Variants in SSU72 observed in about 807,000 individuals in gnomAD.
SSU72 encodes the protein SSU72 homolog, RNA polymerase II CTD phosphatase.
In SSU72, 12 loss-of-function variants were observed where a neutral mutation model predicts 22.7. That is an observed-to-expected ratio of 0.53 (90% CI 0.34 to 0.86). The LOEUF (loss-of-function observed/expected upper bound fraction) is 0.86, where lower values mean the gene tolerates loss of function less well. SSU72 is among the 40% of genes least tolerant of loss of function. The pLI is 0.02. For synonymous variants in SSU72, 116 were observed against 98.3 expected (o/e 1.18, Z -1.06); for missense variants, 151 against 249.8 (o/e 0.60, Z 2.67).
chr1:1,572,662 T>C (rs1424756737), intron 1 of SSU72, among the ~76,000 whole-genome samples: 2 of 151,072 alleles, frequency 1.3e-5, no homozygotes, highest in African/African-American at 4.8e-5. Flanking sequence ...TTTCATCGTG[T>C]TAGCCAGGAT....
At chr1:1,571,017 C>A (rs990900757) in intron 1 of SSU72, among the ~76,000 whole-genome samples, 3 of 151,992 alleles carry the variant, frequency 2.0e-5, no homozygotes, top group Non-Finnish European at 4.4e-5. Flanking sequence ...GAGGCCGAGG[C>A]GGGCGGATCA....
chr1:1,564,361 A>AGCAGCC, intron 2 of SSU72: 1 of 1,065,154 alleles, frequency 9.4e-7, no homozygotes. Context: ...AGATGTGTGA[A>AGCAGCC]GCAGCCCGGC....
chr1:1,573,062 G>T (rs991275978), intron 1 of SSU72, among the ~76,000 whole-genome samples: 5 of 151,554 alleles, frequency 3.3e-5, no homozygotes, highest in Admixed American at 6.6e-5. Flanking sequence ...GCCGAGGCGG[G>T]CAGATCACCT....
intron 2 of SSU72, among the ~76,000 whole-genome samples, chr1:1,557,152 C>T (rs1244504799): frequency 6.6e-6 from 1 of 152,226 alleles, no homozygotes; most frequent in Non-Finnish European, 1.5e-5. Flanking sequence ...GTGGCTCACA[C>T]CTGTAATCCC....
chr1:1,574,387 A>AG, intron 1 of SSU72, 91 bp downstream of exon 1: 1 of 1,391,888 alleles, frequency 7.2e-7, no homozygotes, highest in Non-Finnish European at 9.8e-7. Context: ...GCTTCCTCTC[A>AG]GGGGTCCTGG....
chr1:1,566,779 G>A (rs1479768806), intron 1 of SSU72, among the ~76,000 whole-genome samples: 3 of 151,818 alleles, frequency 2.0e-5, no homozygotes, highest in African/African-American at 7.3e-5. Context: ...ACTTGAATCC[G>A]GGAGGCAGAG....
chr1:1,566,221 C>T (rs1164783633), intron 1 of SSU72, among the ~76,000 whole-genome samples: 1 of 152,146 alleles, frequency 6.6e-6, no homozygotes, highest in Non-Finnish European at 1.5e-5. Context: ...TTGGAGATCT[C>T]ACCACTGCAC....
rs1440171742 is a variant in SSU72, at chr1:1,542,644, A to G, written c.484-477T>C. On this transcript the variant is annotated intron_variant, in intron 4 of 4. Coordinates refer to ENST00000291386, the MANE Select transcript of SSU72 (RefSeq NM_014188.3). This position sits in a 1 kb window ranked among gnomAD's most constrained non-coding sequence, Gnocchi z 4.4. ...GGCTCCTAGGCACACCTGCCCTGGC[A>G]CCGGCAGCTCGTTACTCGCCATCTC... 1.3e-5 allele frequency among the ~76,000 whole-genome samples: 2 copies of G among 152,014 alleles called. No individual in the cohort carries two copies. Among genetic ancestry groups the G allele is most frequent in the South Asian group, 4.2e-4 (2 of 4,816 alleles).
At position 1,554,003 on chromosome 1, in the gene SSU72, G is replaced by T. The variant is rs1642486476; in HGVS notation, c.225-9001C>A. On this transcript the variant is annotated intron_variant, in intron 2 of 4. Transcript: ENST00000291386. The surrounding 1 kb of genome is among the most constrained non-coding windows in gnomAD (Gnocchi z 4.1). ...TGGGGACCACCAGACTACGTCAGTG[G>T]TGAGAACTCAGCAGGTCCGGGGGAC... is the stretch of plus-strand genomic sequence containing the variant. Among the ~76,000 whole-genome samples, 1 of 152,198 alleles carries T rather than the reference G, an allele frequency of 6.6e-6. No individual in the cohort carries two copies. Among genetic ancestry groups the T allele is most frequent in the Non-Finnish European group, 1.5e-5 (1 of 68,024 alleles).
chr1:1,546,860 CAAAAAAAAAA>C (rs1169308811), intron 2 of SSU72, among the ~76,000 whole-genome samples: 1 of 75,164 alleles, frequency 1.3e-5, no homozygotes, highest in African/African-American at 4.4e-5. Flanking sequence ...ACAACAACAA[CAAAAAAAAAA>C]AAAAAAAAAA....
At chr1:1,572,285 G>A (rs569726044) in intron 1 of SSU72, among the ~76,000 whole-genome samples, 2,285 of 140,034 alleles carry the variant, frequency 0.016, 54 homozygotes, top group African/African-American at 0.055. Context: ...AAAATTAGCC[G>A]GGCGTGGTGG....
At chr1:1,553,387 C>T (rs976805288) in intron 2 of SSU72, among the ~76,000 whole-genome samples, 3 of 152,080 alleles carry the variant, frequency 2.0e-5, no homozygotes, top group Admixed American at 6.6e-5. Flanking sequence ...CGGAATACAA[C>T]CTTTTAAGGC....
chr1:1,561,908 C>T (rs1570394784), intron 2 of SSU72: 1 of 152,486 alleles, frequency 6.6e-6, no homozygotes, highest in South Asian at 2.1e-4. Flanking sequence ...CCAGCGCCAC[C>T]CCTGCTGCCA....
intron 2 of SSU72, among the ~76,000 whole-genome samples, chr1:1,549,821 A>C (rs1377414390): frequency 6.6e-6 from 1 of 151,766 alleles, no homozygotes; most frequent in African/African-American, 2.4e-5. Flanking sequence ...AAAAATATAA[A>C]AAATTAGCCG....
chr1:1,558,282 CACCT>C (rs1394781213), intron 2 of SSU72, among the ~76,000 whole-genome samples: 3 of 151,864 alleles, frequency 2.0e-5, no homozygotes, highest in South Asian at 2.1e-4. Flanking sequence ...CAGGATCACC[CACCT>C]GAGTCTGGGA....
intron 2 of SSU72, among the ~76,000 whole-genome samples, chr1:1,547,439 C>G (rs931111906): frequency 3.9e-5 from 6 of 152,256 alleles, no homozygotes; most frequent in South Asian, 2.1e-4. Flanking sequence ...CTCAGCTACA[C>G]AAGGATGAGC....
chr1:1,545,508 C>T (rs961805376), intron 2 of SSU72: 2 of 154,418 alleles, frequency 1.3e-5, no homozygotes, highest in African/African-American at 4.8e-5. Context: ...CATCGGAAAA[C>T]CCAAAGAAAG....
chr1:1,565,020 G>A, intron 1 of SSU72, 104 bp from the exon 2 acceptor site: 2 of 1,411,358 alleles, frequency 1.4e-6, no homozygotes, highest in African/African-American at 1.4e-5. Context: ...AATTTCATTG[G>A]CTCATAGTAG....
intron 2 of SSU72, among the ~76,000 whole-genome samples, chr1:1,552,410 A>C (rs537809172): frequency 7.9e-4 from 121 of 152,328 alleles, no homozygotes; most frequent in Non-Finnish European, 1.5e-3. Context: ...GGGAGCAGGA[A>C]CCTGCCTGGG....
Sources: allele counts gnomAD v4.1 joint callset (sites outside exome capture counted in the v4.1 genomes callset), GRCh38; gene constraint gnomAD v4.1.1; non-coding constraint Gnocchi (gnomAD v3.1); transcripts MANE v1.5; gene names NCBI Gene and HGNC (gene_info 2026-07-23, HGNC 2026-07-21).